Variants in APBA1 observed in about 807,000 individuals in gnomAD.
APBA1 encodes the protein amyloid beta precursor protein binding family A member 1.
A neutral mutation model predicts 86.6 loss-of-function variants in APBA1; 55 were observed. That is an observed-to-expected ratio of 0.64 (90% CI 0.51 to 0.80). APBA1 has a LOEUF of 0.80. Ranked by LOEUF, APBA1 falls within the 30% of genes least tolerant of loss-of-function variation. The probability of loss-of-function intolerance (pLI) is 0.00; values close to 1 mark genes in which losing one functional copy is unlikely to be tolerated. For missense variants in APBA1, 1,090 were observed against 1,183.0 expected, an observed-to-expected ratio of 0.92 and a Z score of 1.15; for synonymous variants, 511 against 493.9, an observed-to-expected ratio of 1.03 and a Z score of -0.46.
At chr9:69,615,108 G>A (rs1324212499) in intron 1 of APBA1, among the ~76,000 whole-genome samples, 1 of 152,174 alleles carries the variant, frequency 6.6e-6, no homozygotes, top group Non-Finnish European at 1.5e-5. Flanking sequence ...GCTGAGATGG[G>A]AGAATTGCGT....
At chr9:69,527,617 T>A (rs574186118) in intron 1 of APBA1, among the ~76,000 whole-genome samples, 1 of 152,218 alleles carries the variant, frequency 6.6e-6, no homozygotes, top group African/African-American at 2.4e-5. Flanking sequence ...GTGCTCTTCC[T>A]ATTACATTAC....
At chr9:69,628,049 C>T (rs1471579362) in intron 1 of APBA1, among the ~76,000 whole-genome samples, 1 of 152,060 alleles carries the variant, frequency 6.6e-6, no homozygotes, top group Admixed American at 6.6e-5. Context: ...AAGTCACCCC[C>T]ATAACTACCA....
intron 1 of APBA1, among the ~76,000 whole-genome samples, chr9:69,533,092 T>C (rs1381356581): frequency 1.3e-5 from 2 of 152,182 alleles, no homozygotes; most frequent in East Asian, 1.9e-4. Context: ...AAGAAGGTGA[T>C]CTGTATAACA....
intron 2 of APBA1, among the ~76,000 whole-genome samples, chr9:69,499,476 C>G (rs1439871686): frequency 6.6e-6 from 1 of 152,104 alleles, no homozygotes; most frequent in Non-Finnish European, 1.5e-5. Context: ...GAGGAAATCT[C>G]TCAGTTCAGA....
At chr9:69,603,596 T>G (rs942570942) in intron 1 of APBA1, among the ~76,000 whole-genome samples, 3 of 152,244 alleles carry the variant, frequency 2.0e-5, no homozygotes, top group Non-Finnish European at 4.4e-5. Flanking sequence ...CCCAATTTTA[T>G]AAATTCAAAC....
At chr9:69,655,385 G>A (rs1006552041) in intron 1 of APBA1, among the ~76,000 whole-genome samples, 2 of 151,832 alleles carry the variant, frequency 1.3e-5, no homozygotes, top group African/African-American at 4.8e-5. Context: ...GTAAATTCAG[G>A]AAAGTTGTAG....
chr9:69,543,176 G>A (rs1053026510), intron 1 of APBA1, among the ~76,000 whole-genome samples: 5 of 152,294 alleles, frequency 3.3e-5, no homozygotes, highest in Admixed American at 1.3e-4. Flanking sequence ...GGGAGGGGCC[G>A]TGGCCCCTAA....
intron 2 of APBA1, 57 bp from the exon 3 acceptor site, chr9:69,476,200 G>T: frequency 7.5e-7 from 1 of 1,335,668 alleles, no homozygotes; most frequent in Non-Finnish European, 1.1e-6. Flanking sequence ...CAGACACTTG[G>T]CTGGGGGAAA....
intron 2 of APBA1, among the ~76,000 whole-genome samples, chr9:69,480,925 C>A (rs62567179): frequency 0.67 from 72,145 of 108,148 alleles, 20,760 homozygotes; most frequent in East Asian, 0.74. Flanking sequence ...ATTCAACAAC[C>A]CTTCATGCTA....
chr9:69,453,669 A>G (rs1010439457), intron 8 of APBA1, among the ~76,000 whole-genome samples: 2 of 152,196 alleles, frequency 1.3e-5, no homozygotes, highest in African/African-American at 2.4e-5. Flanking sequence ...AACTTTTCCA[A>G]TTTTAGAAAG....
chr9:69,629,766 A>G (rs1823002792), intron 1 of APBA1, among the ~76,000 whole-genome samples: 1 of 152,216 alleles, frequency 6.6e-6, no homozygotes, highest in Non-Finnish European at 1.5e-5. Flanking sequence ...TGAGACTATC[A>G]GGGTCCCTGC....
intron 1 of APBA1, among the ~76,000 whole-genome samples, chr9:69,596,653 A>G (rs1822235925): frequency 6.6e-6 from 1 of 152,136 alleles, no homozygotes; most frequent in African/African-American, 2.4e-5. Context: ...TCCTCCACAG[A>G]TGTTGCATTC....
At chr9:69,616,535 G>A (rs929202439) in intron 1 of APBA1, among the ~76,000 whole-genome samples, 3 of 152,140 alleles carry the variant, frequency 2.0e-5, no homozygotes, top group African/African-American at 7.2e-5. Context: ...AGTGTCTTCA[G>A]AAGTACAACT....
chr9:69,551,935 A>T (rs1427521600), intron 1 of APBA1, among the ~76,000 whole-genome samples: 1 of 152,210 alleles, frequency 6.6e-6, no homozygotes, highest in Non-Finnish European at 1.5e-5. Context: ...AAGGCATGGC[A>T]TCTATGGTTT....
intron 1 of APBA1, among the ~76,000 whole-genome samples, chr9:69,582,185 G>C (rs1229522108): frequency 6.6e-6 from 1 of 152,094 alleles, no homozygotes; most frequent in African/African-American, 2.4e-5. Context: ...GTGGCTTTGG[G>C]CATCTAACCG....
intron 1 of APBA1, among the ~76,000 whole-genome samples, chr9:69,610,492 T>C (rs1822565879): frequency 6.6e-6 from 1 of 152,174 alleles, no homozygotes; most frequent in Non-Finnish European, 1.5e-5. Flanking sequence ...TAGTTTAATA[T>C]TTTGCTTGAT....
At chr9:69,612,033 T>C (rs1400082703) in intron 1 of APBA1, among the ~76,000 whole-genome samples, 2 of 152,134 alleles carry the variant, frequency 1.3e-5, no homozygotes, top group Non-Finnish European at 2.9e-5. Flanking sequence ...TATATTTGTG[T>C]CTCTATATAT....
intron 2 of APBA1, among the ~76,000 whole-genome samples, chr9:69,493,149 GA>G (rs1384382248): frequency 6.6e-6 from 1 of 151,970 alleles, no homozygotes; most frequent in Non-Finnish European, 1.5e-5. Context: ...AACAAGCCCC[GA>G]ACAAGTCATT....
chr9:69,474,764 G>T (rs1314836569), intron 3 of APBA1, among the ~76,000 whole-genome samples: 1 of 152,184 alleles, frequency 6.6e-6, no homozygotes, highest in Non-Finnish European at 1.5e-5. Flanking sequence ...AATATGAACA[G>T]ATTAATAAAA....
Sources: gnomAD v4.1 joint callset for allele counts (sites outside exome capture counted in the v4.1 genomes callset) on GRCh38, gnomAD v4.1.1 for gene constraint, MANE v1.5 for transcripts, NCBI Gene and HGNC (gene_info 2026-07-23, HGNC 2026-07-21) for gene names.